CAMSAP1: variants seen among roughly 807,000 people sequenced by gnomAD.
CAMSAP1 encodes the protein calmodulin regulated spectrin associated protein 1, also known as calmodulin-regulated spectrin-associated protein 1.
A neutral mutation model predicts 143.5 loss-of-function variants in CAMSAP1; 58 were observed. The observed-to-expected ratio is 0.40, with a 90% CI of 0.33 to 0.50. The LOEUF is 0.50. Ranked by LOEUF, CAMSAP1 falls within the 20% of genes least tolerant of loss-of-function variation. The pLI is 0.45. For synonymous variants in CAMSAP1, 945 were observed against 859.3 expected, an observed-to-expected ratio of 1.10 and a Z score of -1.74; for missense variants, 1,969 against 2,115.7, an observed-to-expected ratio of 0.93 and a Z score of 1.36.
At chr9:135,844,063 A>C (rs945145551) in intron 7 of CAMSAP1, among the ~76,000 whole-genome samples, 4 of 152,020 alleles carry the variant, frequency 2.6e-5, no homozygotes, top group Admixed American at 2.6e-4. Context: ...AAAATTAACA[A>C]TACTCAGGAC....
chr9:135,906,263 A>G (rs1838774059), intron 1 of CAMSAP1, among the ~76,000 whole-genome samples: 1 of 152,232 alleles, frequency 6.6e-6, no homozygotes, highest in South Asian at 2.1e-4. Flanking sequence ...TATTTTAAGA[A>G]TGCTTCAAAT....
intron 8 of CAMSAP1, among the ~76,000 whole-genome samples, chr9:135,827,009 TCTTTG>T (rs1835699188): frequency 6.6e-6 from 1 of 152,228 alleles, no homozygotes; most frequent in South Asian, 2.1e-4. Context: ...CAAATTCTCT[TCTTTG>T]AAGACTTCAC....
intron 8 of CAMSAP1, among the ~76,000 whole-genome samples, chr9:135,827,043 G>A (rs1027116523): frequency 6.6e-6 from 1 of 152,268 alleles, no homozygotes; most frequent in Admixed American, 6.5e-5. Context: ...AAATGCAAGA[G>A]GATTTCACTC....
intron 14 of CAMSAP1, among the ~76,000 whole-genome samples, chr9:135,816,641 C>T (rs1835239150): frequency 6.6e-6 from 1 of 152,194 alleles, no homozygotes; most frequent in Non-Finnish European, 1.5e-5. Context: ...ACAGAATCTG[C>T]AGTCCCTCGG....
intron 1 of CAMSAP1, among the ~76,000 whole-genome samples, chr9:135,895,748 G>T (rs923920348): frequency 6.6e-5 from 10 of 152,272 alleles, no homozygotes; most frequent in Admixed American, 1.3e-4. Flanking sequence ...TTTAAAAGTG[G>T]AGAGAGCAAG....
At chr9:135,878,759 G>A (rs1204401807) in intron 3 of CAMSAP1, among the ~76,000 whole-genome samples, 4 of 152,154 alleles carry the variant, frequency 2.6e-5, no homozygotes, top group Non-Finnish European at 5.9e-5. Context: ...TGCAAAAGGT[G>A]CTTTGGAAGC....
Position 135,820,840 on chromosome 9 carries a change from T to G in CAMSAP1, c.3821A>C (p.Lys1274Thr). Residue 1274 changes from lysine (K) to threonine (T), a missense_variant and splice_region_variant, in exon 11 of 17, where the codon AAG becomes ACG. Lys to Thr is a moderately conservative substitution (Grantham distance 78). Coordinates refer to ENST00000389532, the MANE Select transcript of CAMSAP1 (RefSeq NM_015447.4). This position sits in a 1 kb window ranked among gnomAD's most constrained non-coding sequence, Gnocchi z 4.4. ...DQKPGVGFFF[K>T]DEQKAEDELA... is the part of the protein sequence containing the mutation. ...AAACAGATGCTACCAATCCCTTACC[T>G]TGAAGAAGAAGCCGACCCCCGGCTT... 1 of 1,612,480 alleles carries G rather than the reference T, an allele frequency of 6.2e-7. No homozygotes were observed. The highest frequency in any genetic ancestry group is 1.1e-5 in the South Asian group (1 of 90,980).
chr9:135,821,630 C>A lies in CAMSAP1; in HGVS notation c.3031G>T (p.Val1011Phe), dbSNP rs754630839. The A allele has an allele frequency of 3.7e-6, 6 of 1,614,048 alleles. No individual in the cohort carries two copies. The Admixed American group carries it at 8.3e-5, about 22-fold the overall frequency. Residue 1011 changes from valine to phenylalanine, a missense_variant, in exon 11 of 17, where the codon GTT (valine) becomes TTT (phenylalanine). Coordinates refer to ENST00000389532, the MANE Select transcript of CAMSAP1 (RefSeq NM_015447.4). The surrounding 1 kb of genome is among the most constrained non-coding windows in gnomAD (Gnocchi z 4.6). Reference sequence around the variant, plus strand: ...TCATTCACGTCGACAACCTCCCCAACAGTGTCCTCCAGGAGGGCAGCGGAG... The same window carrying A: ...TCATTCACGTCGACAACCTCCCCAAAAGTGTCCTCCAGGAGGGCAGCGGAG... ...VISAALLEDT[V>F]GEVVDVNECD...
chr9:135,851,302 T>C (rs1254480070), intron 5 of CAMSAP1, among the ~76,000 whole-genome samples: 4 of 152,200 alleles, frequency 2.6e-5, no homozygotes, highest in Admixed American at 2.6e-4. Context: ...AAAAAACCAT[T>C]TTCAAGGGTT....
At chr9:135,905,272 T>C (rs1252324037) in intron 1 of CAMSAP1, among the ~76,000 whole-genome samples, 1 of 152,240 alleles carries the variant, frequency 6.6e-6, no homozygotes, top group East Asian at 1.9e-4. Context: ...CGTACTTATT[T>C]CTGGATGGCT....
intron 14 of CAMSAP1, among the ~76,000 whole-genome samples, chr9:135,817,239 G>C (rs1239891783): frequency 1.3e-5 from 2 of 152,210 alleles, no homozygotes; most frequent in African/African-American, 4.8e-5. Flanking sequence ...TGGGATAACT[G>C]AGGACAGCTG....
rs899925563 is a variant in CAMSAP1, at chr9:135,882,391, C to T, written c.423+425G>A. Among the ~76,000 whole-genome samples, 1 of 151,770 alleles carries T rather than the reference C, an allele frequency of 6.6e-6. No homozygotes were observed. Among genetic ancestry groups the T allele is most frequent in the African/African-American group, 2.4e-5 (1 of 41,290 alleles). On this transcript the variant is annotated intron_variant, in intron 2 of 16. Coordinates refer to ENST00000389532, the MANE Select transcript of CAMSAP1 (RefSeq NM_015447.4). This position sits in a 1 kb window ranked among gnomAD's most constrained non-coding sequence, Gnocchi z 4.9. ...CCCAGAACGCTCTGGAAAAGGCACACCAGTAGCAAGGCTTCAGAGAAAGAT... is the reference window on the plus strand; with the variant it reads ...CCCAGAACGCTCTGGAAAAGGCACATCAGTAGCAAGGCTTCAGAGAAAGAT...
chr9:135,905,597 G>A (rs1838753981), intron 1 of CAMSAP1, among the ~76,000 whole-genome samples: 1 of 152,214 alleles, frequency 6.6e-6, no homozygotes, highest in African/African-American at 2.4e-5. Flanking sequence ...CGGAAATGTG[G>A]AAAAGTGAAG....
Position 135,818,403 on chromosome 9 carries a change from C to A in CAMSAP1, c.4168+5G>T. Reference sequence around the variant, plus strand: ...GCTGCCCGCGTGAGGGCCGGGGCTGCTTACGGGTGGAGGAGCACTTGGTGC... The same window carrying A: ...GCTGCCCGCGTGAGGGCCGGGGCTGATTACGGGTGGAGGAGCACTTGGTGC... On this transcript the variant is annotated splice_donor_5th_base_variant and intron_variant, in intron 13 of 16. Coordinates refer to ENST00000389532, the MANE Select transcript of CAMSAP1 (RefSeq NM_015447.4). This position sits in a 1 kb window ranked among gnomAD's most constrained non-coding sequence, Gnocchi z 7.7. The A allele has an allele frequency of 6.4e-7, 1 of 1,571,124 alleles. No homozygotes were observed. Among genetic ancestry groups the A allele is most frequent in the Non-Finnish European group, 8.6e-7 (1 of 1,164,446 alleles).
chr9:135,874,169 T>C (rs1378376124), intron 3 of CAMSAP1, among the ~76,000 whole-genome samples: 1 of 152,080 alleles, frequency 6.6e-6, no homozygotes, highest in African/African-American at 2.4e-5. Context: ...AAATTCAATA[T>C]GTATTCATGA....
At position 135,815,976 on chromosome 9, in the gene CAMSAP1, A is replaced by T; in HGVS notation, c.4301T>A (p.Leu1434Gln). The T allele has an allele frequency of 6.2e-7, 1 of 1,613,808 alleles. No homozygotes were observed. Among genetic ancestry groups the T allele is most frequent in the Non-Finnish European group, 8.5e-7 (1 of 1,179,898 alleles). The change falls in exon 15 of 17, where the codon CTG becomes CAG. Residue 1434 changes from leucine (L) to glutamine (Q), a missense_variant. By Grantham distance (113) the Leu-to-Gln change is moderately radical. Transcript: ENST00000389532. ...RVESMEALPI[L>Q]SRNPSRSTDR... Reference sequence around the variant, plus strand: ...TGTGCTCCTGCTTGGGTTACGGCTCAGTATGGGCAGGGCTTCCATCGATTC... The same window carrying T: ...TGTGCTCCTGCTTGGGTTACGGCTCTGTATGGGCAGGGCTTCCATCGATTC...
chr9:135,844,815 C>G (rs1328598958), intron 7 of CAMSAP1, among the ~76,000 whole-genome samples: 1 of 152,066 alleles, frequency 6.6e-6, no homozygotes, highest in African/African-American at 2.4e-5. Context: ...CAAGACTAAA[C>G]CAGGAAAAAG....
intron 7 of CAMSAP1, among the ~76,000 whole-genome samples, chr9:135,832,319 T>A (rs1184956787): frequency 3.9e-5 from 6 of 151,960 alleles, no homozygotes; most frequent in Admixed American, 3.9e-4. Flanking sequence ...TACCACATGA[T>A]CATCTCAACA....
At chr9:135,876,931 C>A (rs942737270) in intron 3 of CAMSAP1, among the ~76,000 whole-genome samples, 2 of 152,154 alleles carry the variant, frequency 1.3e-5, no homozygotes, top group Non-Finnish European at 2.9e-5. Context: ...ATCGCTTGAA[C>A]CCAGGAGGCT....
Sources: allele counts gnomAD v4.1 joint callset (sites outside exome capture counted in the v4.1 genomes callset), GRCh38; gene constraint gnomAD v4.1.1; non-coding constraint Gnocchi (gnomAD v3.1); transcripts MANE v1.5; gene names NCBI Gene and HGNC (gene_info 2026-07-23, HGNC 2026-07-21).